GIPC2: variants seen among roughly 807,000 people sequenced by gnomAD.
The protein encoded by GIPC2 is GIPC PDZ domain containing family member 2.
GIPC2 carries 30 observed loss-of-function variants against 30.6 expected under a neutral mutation model. That is an observed-to-expected ratio of 0.98 (90% CI 0.73 to 1.33). GIPC2 has a LOEUF of 1.33. GIPC2 is among the 40% of genes most tolerant of loss of function. The pLI is 0.00. For synonymous variants in GIPC2, 167 were observed against 150.0 expected (o/e 1.11, Z -0.83); for missense variants, 414 against 390.3 (o/e 1.06, Z -0.51).
At chr1:78,093,804 A>G (rs1393407611) in intron 2 of GIPC2, among the ~76,000 whole-genome samples, 1 of 152,140 alleles carries the variant, frequency 6.6e-6, no homozygotes, top group African/African-American at 2.4e-5. Context: ...TCTGAGACAG[A>G]TTATGGCCTT....
At chr1:78,114,414 G>A (rs562041372) in intron 3 of GIPC2, among the ~76,000 whole-genome samples, 11 of 152,124 alleles carry the variant, frequency 7.2e-5, no homozygotes, top group Non-Finnish European at 1.5e-4. Flanking sequence ...CACAAAACCT[G>A]TTTTTTCCCC....
chr1:78,125,840 T>G (rs1161635603), intron 4 of GIPC2, 41 bp from the exon 5 acceptor site: 21 of 1,085,080 alleles, frequency 1.9e-5, no homozygotes, highest in Non-Finnish European at 2.8e-5. Flanking sequence ...AATCAAGAGA[T>G]TTTGTTGTAT....
chr1:78,060,977 G>C (rs2102641250), intron 1 of GIPC2, among the ~76,000 whole-genome samples: 1 of 152,120 alleles, frequency 6.6e-6, no homozygotes. Context: ...AACAGGAGTA[G>C]CCCTAAGAAA....
chr1:78,130,056 G>A (rs538834556), intron 5 of GIPC2, among the ~76,000 whole-genome samples: 3 of 150,352 alleles, frequency 2.0e-5, no homozygotes, highest in Non-Finnish European at 4.4e-5. Context: ...ATGCAGTAAT[G>A]GTGTTTTAAT....
At chr1:78,123,849 T>C (rs1469416964) in intron 4 of GIPC2, among the ~76,000 whole-genome samples, 1 of 152,250 alleles carries the variant, frequency 6.6e-6, no homozygotes, top group African/African-American at 2.4e-5. Flanking sequence ...TTGCATAGCC[T>C]GTTGCTTTAT....
intron 4 of GIPC2, among the ~76,000 whole-genome samples, chr1:78,122,930 G>A (rs1422591125): frequency 2.6e-5 from 4 of 152,062 alleles, no homozygotes; most frequent in African/African-American, 4.8e-5. Context: ...CACAAAGAAG[G>A]GGCTGATCAG....
intron 5 of GIPC2, among the ~76,000 whole-genome samples, 173 bp downstream of exon 5, chr1:78,126,135 A>G (rs1302920055): frequency 6.6e-6 from 1 of 152,236 alleles, no homozygotes; most frequent in African/African-American, 2.4e-5. Flanking sequence ...ACCGCTTTCT[A>G]GCTATGAGGT....
chr1:78,094,900 C>A, intron 2 of GIPC2, 52 bp from the exon 3 acceptor site: 1 of 1,245,594 alleles, frequency 8.0e-7, no homozygotes, highest in Non-Finnish European at 1.2e-6. Flanking sequence ...GAGATTGGTG[C>A]ATTCATTACA....
rs143889648 is a variant in GIPC2, at chr1:78,119,163, A to G, written c.608-230A>G. Among the ~76,000 whole-genome samples, 766 of 152,240 alleles carry G rather than the reference A, an allele frequency of 5.0e-3. 3 individuals are homozygous for G. The highest frequency in any genetic ancestry group is 0.016 in the South Asian group (75 of 4,822). The stretch of plus-strand genomic sequence containing the variant: ...TGTCTTTCCCATCTGTACATTTCAC[A>G]TATTCCCTTTTCTTGGAGTTAGAAC... On this transcript the variant is annotated intron_variant, in intron 3 of 5. Coordinates refer to ENST00000370759, the MANE Select transcript of GIPC2 (RefSeq NM_017655.6).
At chr1:78,109,458 G>T (rs1047166270) in intron 3 of GIPC2, among the ~76,000 whole-genome samples, 9 of 152,206 alleles carry the variant, frequency 5.9e-5, no homozygotes, top group Non-Finnish European at 1.2e-4. Context: ...GGGTGGACCT[G>T]CCTGGCCTTT....
upstream of GIPC2, chr1:78,045,764 A>T (rs188307630): frequency 9.3e-7 from 1 of 1,077,788 alleles, no homozygotes; most frequent in Middle Eastern, 4.1e-4. Flanking sequence ...TTGCCTTCTA[A>T]GGCGTATTGT....
intron 3 of GIPC2, among the ~76,000 whole-genome samples, chr1:78,106,114 A>G (rs1368337558): frequency 2.0e-5 from 3 of 151,752 alleles, no homozygotes; most frequent in Non-Finnish European, 4.4e-5. Context: ...AGTCTCCTGT[A>G]ATTCCAGCTA....
chr1:78,051,447 T>A (rs954503674), intron 1 of GIPC2, among the ~76,000 whole-genome samples: 3 of 152,164 alleles, frequency 2.0e-5, no homozygotes, highest in African/African-American at 7.2e-5. Context: ...TCTCTCCCCA[T>A]ACATAAAGCA....
At chr1:78,060,887 C>T (rs1661380076) in intron 1 of GIPC2, among the ~76,000 whole-genome samples, 1 of 146,356 alleles carries the variant, frequency 6.8e-6, no homozygotes, top group South Asian at 2.1e-4. Context: ...GGTATATCCC[C>T]CCACTTTATC....
intron 5 of GIPC2, among the ~76,000 whole-genome samples, chr1:78,133,518 TG>T (rs1364944634): frequency 6.6e-6 from 1 of 152,108 alleles, no homozygotes; most frequent in Non-Finnish European, 1.5e-5. Context: ...AAGGATTTCA[TG>T]GAGGAGAGAG....
chr1:78,089,935 C>A (rs1053554265), intron 2 of GIPC2, among the ~76,000 whole-genome samples: 2 of 152,210 alleles, frequency 1.3e-5, no homozygotes, highest in African/African-American at 4.8e-5. Context: ...GATGAATGAG[C>A]ATGCATGTTT....
At chr1:78,084,992 G>A (rs1661901113) in intron 2 of GIPC2, among the ~76,000 whole-genome samples, 1 of 152,152 alleles carries the variant, frequency 6.6e-6, no homozygotes, top group African/African-American at 2.4e-5. Flanking sequence ...GGAGTGGTGA[G>A]AGAGAGCATA....
At chr1:78,056,016 C>T (rs1661288555) in intron 1 of GIPC2, among the ~76,000 whole-genome samples, 1 of 152,202 alleles carries the variant, frequency 6.6e-6, no homozygotes, top group Non-Finnish European at 1.5e-5. Flanking sequence ...TGCTGCAGGA[C>T]TTGCAGGTCA....
rs1663044753 is a variant in GIPC2 at position 78,138,397 on chromosome 1, C to T, written c.*2654C>T. On this transcript the variant is annotated 3_prime_UTR_variant, in exon 6 of 6. Coordinates refer to ENST00000370759, the MANE Select transcript of GIPC2 (RefSeq NM_017655.6). ...AATTTTTCAAATGATGTATAATTTG[C>T]AATATTTTCCCTTGCAACTTTAGCA... The T allele has an allele frequency of 6.6e-6, 1 of 152,152 alleles. No individual in the cohort carries two copies. Among genetic ancestry groups the T allele is most frequent in the Non-Finnish European group, 1.5e-5 (1 of 68,028 alleles). The allele number at this position is 152,152 out of a possible 1,614,324, so 9.4% of individuals were successfully genotyped here. A position where few individuals can be genotyped will look rare whatever the true frequency, so the allele number is the denominator to read the frequency against.
Sources: gnomAD v4.1 joint callset for allele counts (sites outside exome capture counted in the v4.1 genomes callset) on GRCh38, gnomAD v4.1.1 for gene constraint, MANE v1.5 for transcripts, NCBI Gene and HGNC (gene_info 2026-07-23, HGNC 2026-07-21) for gene names.